HEXA: variants seen among roughly 807,000 people sequenced by gnomAD.
HEXA encodes beta-hexosaminidase subunit alpha.
A neutral mutation model predicts 73.3 loss-of-function variants in HEXA; 54 were observed. The ratio of observed to expected loss-of-function variants is 0.74; its 90% CI spans 0.59 to 0.92. The LOEUF (loss-of-function observed/expected upper bound fraction) is 0.92, where lower values mean the gene tolerates loss of function less well. HEXA is among the 40% of genes least tolerant of loss of function. The pLI is 0.00. For synonymous variants in HEXA, 230 were observed against 246.9 expected, an observed-to-expected ratio of 0.93 and a Z score of 0.64; for missense variants, 649 against 653.0, an observed-to-expected ratio of 0.99 and a Z score of 0.07.
Position 72,365,166 on chromosome 15 carries a change from C to G in HEXA, c.254-8549G>C, listed in dbSNP as rs139547073. ...GTGCAATGGCGCGATCTCGGCTCAC[C>G]GCAAGCTCCGCCTCCCAGGTTCATG... On this transcript the variant is annotated intron_variant, in intron 1 of 13. Coordinates refer to ENST00000268097, the MANE Select transcript of HEXA (RefSeq NM_000520.6). 1.1e-4 allele frequency among the ~76,000 whole-genome samples: 16 copies of G among 152,220 alleles called. No individual in the cohort carries two copies. The East Asian group carries it at 2.5e-3, about 24-fold the overall frequency.
chr15:72,351,030 A>C, intron 6 of HEXA, 103 bp downstream of exon 6: 1 of 801,940 alleles, frequency 1.2e-6, no homozygotes, highest in South Asian at 1.4e-5. Context: ...ATATTGGTCT[A>C]AAACTGGCTG....
At position 72,350,578 on chromosome 15, in the gene HEXA, G is replaced by A. The variant is rs138058578; in HGVS notation, c.745C>T (p.Arg249Trp). The change falls in exon 7 of 14, where the codon CGG (arginine) becomes TGG (tryptophan). Residue 249 changes from arginine to tryptophan, a missense_variant. Physicochemically the swap from Arg to Trp is moderately radical, Grantham distance 101. Transcript: ENST00000268097. ...VKEVIEYARL[R>W]GIRVLAEFDT... ...AACTCTGCAAGCACACGGATACCCC[G>A]GAGCCGTGCGTATTCAATGACCTCC... 2.7e-4 allele frequency: 443 copies of A among 1,614,120 alleles called. No individual in the cohort carries two copies. Among genetic ancestry groups the A allele is most frequent in the East Asian group, 6.7e-4 (30 of 44,884 alleles).
rs1458487136 is a variant in HEXA at position 72,343,796 on chromosome 15, G to A, written c.*281C>T. On this transcript the variant is annotated 3_prime_UTR_variant, in exon 14 of 14. Coordinates refer to ENST00000268097, the MANE Select transcript of HEXA (RefSeq NM_000520.6). ...TTCATTCCCAGCCCTCAACTTAAAAGACCTCAGGGGCAGACACTGACTCCA... is the reference window on the plus strand; with the variant it reads ...TTCATTCCCAGCCCTCAACTTAAAAAACCTCAGGGGCAGACACTGACTCCA... 2.4e-6 allele frequency: 1 copy of A among 415,594 alleles called. No individual in the cohort carries two copies. Among genetic ancestry groups the A allele is most frequent in the Admixed American group, 3.5e-5 (1 of 28,210 alleles). 25.7% of individuals were successfully genotyped at this position (415,594 alleles called of 1,614,324 possible).
chr15:72,347,779 T>C (rs1341373934), intron 9 of HEXA, 21 bp from the exon 10 acceptor site: 3 of 1,610,186 alleles, frequency 1.9e-6, no homozygotes, highest in Non-Finnish European at 2.5e-6. Flanking sequence ...GAGGAGTGTC[T>C]AGTAAGTGTC....
chr15:72,358,696 C>T (rs964441094), intron 1 of HEXA: 1 of 152,138 alleles, frequency 6.6e-6, no homozygotes, highest in Non-Finnish European at 1.5e-5. Flanking sequence ...AGTGACTCAT[C>T]TGGGTTTGGG....
intron 1 of HEXA, among the ~76,000 whole-genome samples, chr15:72,375,309 C>G (rs1268534838): frequency 1.3e-5 from 2 of 152,194 alleles, no homozygotes; most frequent in East Asian, 1.9e-4. Context: ...GGGCTGGTCT[C>G]GAACTCCTGA....
At chr15:72,367,990 CTG>C (rs34206496) in intron 1 of HEXA, among the ~76,000 whole-genome samples, 116,874 of 152,074 alleles carry the variant, frequency 0.77, 50,546 homozygotes, top group Non-Finnish European at 0.95. Flanking sequence ...ATATCACACT[CTG>C]TCTGTATCCC....
rs777460475 is a variant in HEXA, at chr15:72,350,588, G to A, written c.735C>T (p.Tyr245=). 1.1e-5 allele frequency: 18 copies of A among 1,613,978 alleles called. No individual in the cohort carries two copies. Among genetic ancestry groups the A allele is most frequent in the South Asian group, 5.5e-5 (5 of 91,074 alleles). Residue 245 remains tyrosine, a synonymous_variant, in exon 7 of 14, where the codon TAC becomes TAT. Transcript: ENST00000268097. ...TAQDVKEVIE[Y]ARLRGIRVLA... is the part of the protein sequence containing the mutation. ...GCACACGGATACCCCGGAGCCGTGC[G>A]TATTCAATGACCTCCTTCACATCCT...
chr15:72,363,518 C>A (rs1161448744), intron 1 of HEXA, among the ~76,000 whole-genome samples: 1 of 152,182 alleles, frequency 6.6e-6, no homozygotes, highest in African/African-American at 2.4e-5. Context: ...CCTTGTCAAA[C>A]TTCTTATCCC....
intron 1 of HEXA, among the ~76,000 whole-genome samples, chr15:72,363,369 G>A (rs976509949): frequency 2.0e-5 from 3 of 152,218 alleles, no homozygotes; most frequent in African/African-American, 7.2e-5. Flanking sequence ...TCCAGGAAAG[G>A]TGGAAGGCTT....
intron 13 of HEXA, chr15:72,345,102 T>A: frequency 2.9e-6 from 1 of 350,758 alleles, no homozygotes; most frequent in Non-Finnish European, 5.5e-6. Flanking sequence ...GATACCAAAA[T>A]CCAAGGATGC....
chr15:72,365,495 G>A (rs2088905083), intron 1 of HEXA, among the ~76,000 whole-genome samples: 1 of 151,960 alleles, frequency 6.6e-6, no homozygotes, highest in African/African-American at 2.4e-5. Flanking sequence ...GCTTTCTTTT[G>A]CTTTAATTTT....
At chr15:72,349,765 GTTGT>G (rs1350946171) in intron 7 of HEXA, among the ~76,000 whole-genome samples, 23 of 152,062 alleles carry the variant, frequency 1.5e-4, no homozygotes, top group Middle Eastern at 3.4e-3. Flanking sequence ...TTTGGTTGTT[GTTGT>G]TTGTTTGTTT....
intron 1 of HEXA, among the ~76,000 whole-genome samples, chr15:72,373,710 G>A (rs1482960066): frequency 6.6e-6 from 1 of 152,128 alleles, no homozygotes; most frequent in Non-Finnish European, 1.5e-5. Flanking sequence ...TAGAAGTATA[G>A]GAATTAGGTA....
intron 10 of HEXA, 77 bp from the exon 11 acceptor site, chr15:72,346,787 T>C: frequency 4.5e-6 from 6 of 1,346,214 alleles, no homozygotes; most frequent in Non-Finnish European, 6.4e-6. Context: ...ACAGGCAACA[T>C]GGGACAACAG....
chr15:72,355,141 G>A (rs1452340571), intron 3 of HEXA: 8 of 295,344 alleles, frequency 2.7e-5, no homozygotes, highest in Middle Eastern at 1.2e-3. Flanking sequence ...GACTAGGGCA[G>A]CAGCAGTTGC....
At chr15:72,370,471 G>A (rs771772362) in intron 1 of HEXA, 17 of 393,260 alleles carry the variant, frequency 4.3e-5, no homozygotes, top group Admixed American at 8.9e-5. Flanking sequence ...CAAGAGGATC[G>A]CTTGAAGCCA....
intron 5 of HEXA, among the ~76,000 whole-genome samples, chr15:72,352,811 G>A (rs904870744): frequency 1.3e-5 from 2 of 152,074 alleles, no homozygotes; most frequent in African/African-American, 4.8e-5. Context: ...TTACAAGCAT[G>A]CACCACCATG....
intron 3 of HEXA, 112 bp from the exon 4 acceptor site, chr15:72,353,849 T>C (rs2088736439): frequency 1.2e-6 from 1 of 814,326 alleles, no homozygotes; most frequent in Non-Finnish European, 2.2e-6. Context: ...ACAGGGAAAA[T>C]GGATGTAGTG....
Sources: gnomAD v4.1 joint callset for allele counts (sites outside exome capture counted in the v4.1 genomes callset) on GRCh38, gnomAD v4.1.1 for gene constraint, MANE v1.5 for transcripts, NCBI Gene and HGNC (gene_info 2026-07-23, HGNC 2026-07-21) for gene names.